The following SLIT2 variants were observed in gnomAD, a reference collection of about 807,000 sequenced individuals.
The protein encoded by SLIT2 is slit guidance ligand 2.
Under a neutral mutation model 185.7 loss-of-function variants are expected in SLIT2, and 41 were observed. That is an observed-to-expected ratio of 0.22 (90% CI 0.17 to 0.29). SLIT2 has a LOEUF of 0.29. Ranked by LOEUF, SLIT2 falls within the 10% of genes least tolerant of loss-of-function variation. SLIT2 has a pLI of 1.00. For missense variants in SLIT2, 1,571 were observed against 1,909.0 expected (o/e 0.82, Z 3.30); for synonymous variants, 693 against 680.2 (o/e 1.02, Z -0.29).
At chr4:20,369,670 G>T (rs1474942199) in intron 4 of SLIT2, among the ~76,000 whole-genome samples, 2 of 151,966 alleles carry the variant, frequency 1.3e-5, no homozygotes, top group East Asian at 3.9e-4. Context: ...AGAAACTCAG[G>T]GCAGACAGAG....
At chr4:20,283,111 T>TGCGC (rs1238465824) in intron 4 of SLIT2, among the ~76,000 whole-genome samples, 166 of 143,710 alleles carry the variant, frequency 1.2e-3, no homozygotes, top group South Asian at 3.9e-3. Flanking sequence ...TGTGCCTGTG[T>TGCGC]GCGCGCGCGC....
intron 33 of SLIT2, among the ~76,000 whole-genome samples, chr4:20,608,092 G>C (rs1010849708): frequency 6.6e-6 from 1 of 152,004 alleles, no homozygotes; most frequent in Non-Finnish European, 1.5e-5. Context: ...CATGATGATC[G>C]TGGTTGGGTG....
At chr4:20,613,588 C>A (rs952862107) in intron 34 of SLIT2, among the ~76,000 whole-genome samples, 7 of 151,968 alleles carry the variant, frequency 4.6e-5, no homozygotes, top group Admixed American at 4.6e-4. Context: ...TGAAATAGTC[C>A]GTACAACAAA....
At chr4:20,288,890 G>A (rs1441666931) in intron 4 of SLIT2, among the ~76,000 whole-genome samples, 2 of 152,196 alleles carry the variant, frequency 1.3e-5, no homozygotes, top group African/African-American at 2.4e-5. Flanking sequence ...GAAGAAGGGA[G>A]GGCAAAAGAG....
At chr4:20,602,237 G>GA (rs1354680595) in intron 33 of SLIT2, among the ~76,000 whole-genome samples, 3 of 152,036 alleles carry the variant, frequency 2.0e-5, no homozygotes, top group African/African-American at 7.2e-5. Flanking sequence ...AAAAGTTAAT[G>GA]AAAAATATGT....
rs1310936248 is a variant in SLIT2 at position 20,252,271 on chromosome 4, C to G, written c.-1545C>G. The stretch of plus-strand genomic sequence containing the variant: ...CGAGACTTGGGCTGCTGCGTCCGTC[C>G]TATTGTTTAGACACTTGCCAGGGGC... On this transcript the variant is annotated 5_prime_UTR_variant, in exon 1 of 37. Coordinates refer to ENST00000504154, the MANE Select transcript of SLIT2 (RefSeq NM_004787.4). Among the ~76,000 whole-genome samples the G allele has an allele frequency of 6.6e-6, 1 of 152,170 alleles. No homozygotes were observed. The highest frequency in any genetic ancestry group is 1.5e-5 in the Non-Finnish European group (1 of 68,032).
chr4:20,361,599 C>G (rs1252081081), intron 4 of SLIT2, among the ~76,000 whole-genome samples: 2 of 152,076 alleles, frequency 1.3e-5, no homozygotes, highest in Non-Finnish European at 2.9e-5. Context: ...TACTTTTGTA[C>G]AAACCTAATA....
rs923602856 is a variant in SLIT2 at position 20,378,345 on chromosome 4, A to G, written c.396-89407A>G. Reference sequence around the variant, plus strand: ...ATATGACATTCCTTGTTGCTAACTTAACAATGTGATTACAGTTTACATATT... The same window carrying G: ...ATATGACATTCCTTGTTGCTAACTTGACAATGTGATTACAGTTTACATATT... On this transcript the variant is annotated intron_variant, in intron 4 of 36. Coordinates refer to ENST00000504154, the MANE Select transcript of SLIT2 (RefSeq NM_004787.4). Among the ~76,000 whole-genome samples, 6 of 152,306 alleles carry G rather than the reference A, an allele frequency of 3.9e-5. No homozygotes were observed. In the Middle Eastern group the frequency reaches 0.01, roughly 259 times the overall value.
At chr4:20,312,356 A>C (rs1718184077) in intron 4 of SLIT2, among the ~76,000 whole-genome samples, 2 of 152,260 alleles carry the variant, frequency 1.3e-5, no homozygotes, top group African/African-American at 4.8e-5. Context: ...TTAGTGAAAT[A>C]CTGAGAACAG....
intron 5 of SLIT2, among the ~76,000 whole-genome samples, chr4:20,472,317 T>TCTATAGATATATATATATATATAG: frequency 3.1e-5 from 1 of 32,046 alleles, no homozygotes; most frequent in East Asian, 1.1e-3. Context: ...TATATATAGA[T>TCTATAGATATATATATATATATAG]ATATATATCT....
chr4:20,474,765 A>G (rs891239122), intron 5 of SLIT2, among the ~76,000 whole-genome samples: 1 of 152,068 alleles, frequency 6.6e-6, no homozygotes, highest in Non-Finnish European at 1.5e-5. Flanking sequence ...TATTCTCATT[A>G]GATAATTTTA....
chr4:20,480,290 A>G (rs1047556494), intron 5 of SLIT2, among the ~76,000 whole-genome samples: 4 of 152,198 alleles, frequency 2.6e-5, no homozygotes, highest in African/African-American at 7.2e-5. Context: ...TGAAATTAAC[A>G]TGCAGCTGGG....
At chr4:20,412,056 T>C (rs1727297927) in intron 4 of SLIT2, among the ~76,000 whole-genome samples, 2 of 152,134 alleles carry the variant, frequency 1.3e-5, no homozygotes, top group Non-Finnish European at 1.5e-5. Context: ...GATATGGGCT[T>C]TGGAAGACAA....
At chr4:20,331,763 T>C (rs1216383432) in intron 4 of SLIT2, among the ~76,000 whole-genome samples, 1 of 152,100 alleles carries the variant, frequency 6.6e-6, no homozygotes, top group East Asian at 1.9e-4. Flanking sequence ...AACAAAAGAA[T>C]CCCAGTACCC....
At position 20,253,749 on chromosome 4, in the gene SLIT2, G is replaced by C. The variant is rs963009270; in HGVS notation, c.-67G>C. ...GGGCACTGGGCCTCAGACACTGCGC[G>C]GTTCCCTCGGAGCAGCAAGCTAAAG... is the stretch of plus-strand genomic sequence containing the variant. On this transcript the variant is annotated 5_prime_UTR_variant, in exon 1 of 37. Coordinates refer to ENST00000504154, the MANE Select transcript of SLIT2 (RefSeq NM_004787.4). 6.4e-7 allele frequency: 1 copy of C among 1,563,590 alleles called. No homozygotes were observed. Among genetic ancestry groups the C allele is most frequent in the Non-Finnish European group, 8.6e-7 (1 of 1,158,068 alleles).
At chr4:20,309,284 C>G (rs1284480755) in intron 4 of SLIT2, among the ~76,000 whole-genome samples, 2 of 151,850 alleles carry the variant, frequency 1.3e-5, no homozygotes, top group Non-Finnish European at 2.9e-5. Flanking sequence ...ATAAGAACAC[C>G]AATTATAGCA....
Position 20,405,923 on chromosome 4 carries a change from C to A in SLIT2, c.396-61829C>A, listed in dbSNP as rs144870337. 5.6e-3 allele frequency among the ~76,000 whole-genome samples: 812 copies of A among 145,434 alleles called. 42 individuals are homozygous for A. Among genetic ancestry groups the A allele is most frequent in the African/African-American group, 0.018 (754 of 41,290 alleles). Reference sequence around the variant, plus strand: ...GCAACAATAATATTCACAAACATTACCTTGGCTGTTCTTGGTCTTCTTACA... The same window carrying A: ...GCAACAATAATATTCACAAACATTAACTTGGCTGTTCTTGGTCTTCTTACA... On this transcript the variant is annotated intron_variant, in intron 4 of 36. Coordinates refer to ENST00000504154, the MANE Select transcript of SLIT2 (RefSeq NM_004787.4).
intron 9 of SLIT2, among the ~76,000 whole-genome samples, chr4:20,503,918 C>G (rs952842840): frequency 2.0e-5 from 3 of 151,952 alleles, no homozygotes; most frequent in African/African-American, 7.3e-5. Context: ...AGCTGTATGC[C>G]CAGAAGTATC....
chr4:20,303,740 G>T (rs193068372), intron 4 of SLIT2, among the ~76,000 whole-genome samples: 19 of 152,310 alleles, frequency 1.2e-4, no homozygotes, highest in Non-Finnish European at 2.4e-4. Context: ...GTCTATGTGG[G>T]TGCCTCATAG....
Sources: allele counts gnomAD v4.1 joint callset (sites outside exome capture counted in the v4.1 genomes callset), GRCh38; gene constraint gnomAD v4.1.1; transcripts MANE v1.5; gene names NCBI Gene and HGNC (gene_info 2026-07-23, HGNC 2026-07-21).